The following MAP3K9 variants were observed in gnomAD, a reference collection of about 807,000 sequenced individuals.
MAP3K9 encodes mixed lineage kinase 1 (tyr and ser/thr specificity).
Under a neutral mutation model 95.8 loss-of-function variants are expected in MAP3K9, and 46 were observed. The ratio of observed to expected loss-of-function variants is 0.48; its 90% CI spans 0.38 to 0.61. The LOEUF (loss-of-function observed/expected upper bound fraction) is 0.61. Ranked by LOEUF, MAP3K9 falls within the 20% of genes least tolerant of loss-of-function variation. The probability of loss-of-function intolerance (pLI) is 0.00; values close to 1 mark genes in which losing one functional copy is unlikely to be tolerated. For missense variants in MAP3K9, 1,296 were observed against 1,474.3 expected (o/e 0.88, Z 1.98); for synonymous variants, 533 against 593.8 (o/e 0.90, Z 1.49).
chr14:70,809,353 A>G lies in MAP3K9; in HGVS notation c.-182T>C, dbSNP rs1344741362. 1.4e-6 allele frequency: 1 copy of G among 727,830 alleles called. No homozygotes were observed. The highest frequency in any genetic ancestry group is 1.9e-6 in the Non-Finnish European group (1 of 529,574). The allele number at this position is 727,830 out of a possible 1,614,324, so 45.1% of individuals were successfully genotyped here. On this transcript the variant is annotated 5_prime_UTR_variant, in exon 1 of 12. Transcript: ENST00000554752. Reference sequence around the variant, plus strand: ...GGCGCTGTTACCGCGGTACGAGAAGAGCGCCGAGCGCGAGCTCTTCGCGCA... The same window carrying G: ...GGCGCTGTTACCGCGGTACGAGAAGGGCGCCGAGCGCGAGCTCTTCGCGCA...
chr14:70,791,658 C>T (rs2054808728), intron 2 of MAP3K9, among the ~76,000 whole-genome samples: 2 of 152,230 alleles, frequency 1.3e-5, no homozygotes, highest in South Asian at 4.1e-4. Flanking sequence ...ACTTTGTCTC[C>T]ACTCTTGCCT....
rs1468105779 is a variant in MAP3K9 at position 70,732,562 on chromosome 14, C to T, written c.2807G>A (p.Gly936Glu). ...ACCTGCTCCAGGACTGGGGCTCAACCCATTGCTGGAGGGGCTCCTGCTGGC... is the reference window on the plus strand; with the variant it reads ...ACCTGCTCCAGGACTGGGGCTCAACTCATTGCTGGAGGGGCTCCTGCTGGC... ...LLASRSPSSN[G>E]LSPSPGAGML... The change falls in exon 11 of 12, where the codon GGG (glycine) becomes GAG (glutamate). Residue 936 changes from glycine to glutamate, a missense_variant. Gly to Glu is a moderately conservative substitution (Grantham distance 98, BLOSUM62 -2). This residue lies in a region of MAP3K9 where 433 missense variants were observed against 441.4 expected (regional missense o/e 0.98). Coordinates refer to ENST00000554752, the MANE Select transcript of MAP3K9 (RefSeq NM_001284230.2). The T allele has an allele frequency of 8.2e-6, 13 of 1,593,726 alleles. No individual in the cohort carries two copies. The highest frequency in any genetic ancestry group is 1.3e-5 in the African/African-American group (1 of 74,154).
intron 2 of MAP3K9, among the ~76,000 whole-genome samples, chr14:70,798,725 G>A (rs1055226956): frequency 1.1e-4 from 17 of 151,732 alleles, no homozygotes; most frequent in East Asian, 5.8e-4. Context: ...TGATCCGCCC[G>A]CCTCGGCCTC....
intron 2 of MAP3K9, among the ~76,000 whole-genome samples, chr14:70,773,510 T>C (rs769663123): frequency 6.6e-6 from 1 of 152,206 alleles, no homozygotes; most frequent in South Asian, 2.1e-4. Flanking sequence ...GAACCCACAA[T>C]TGCAAGATGG....
chr14:70,768,187 AG>A (rs1330257954), intron 2 of MAP3K9, among the ~76,000 whole-genome samples: 3 of 152,202 alleles, frequency 2.0e-5, no homozygotes, highest in African/African-American at 4.8e-5. Context: ...TAAACGCTTG[AG>A]GGGATGGATA....
At chr14:70,800,038 A>T (rs533104854) in intron 2 of MAP3K9, among the ~76,000 whole-genome samples, 1 of 152,298 alleles carries the variant, frequency 6.6e-6, no homozygotes, top group East Asian at 1.9e-4. Flanking sequence ...CAGTTTATGG[A>T]TTCTGGATAT....
At chr14:70,776,870 C>T (rs1045966876) in intron 2 of MAP3K9, among the ~76,000 whole-genome samples, 1 of 151,290 alleles carries the variant, frequency 6.6e-6, no homozygotes, top group Non-Finnish European at 1.5e-5. Flanking sequence ...TCGCTCTTGT[C>T]CCCCAGGTTT....
In MAP3K9 at chr14:70,725,178, C is replaced by G. The variant is rs184479811; in HGVS notation, c.*5202G>C. On this transcript the variant is annotated 3_prime_UTR_variant, in exon 12 of 12. Transcript: ENST00000554752. ...CAGGCTCCCCGTAGGGGATGGGGAA[C>G]CACAGACAGTAAGAATCAGGAAGGA... 9.2e-5 allele frequency: 14 copies of G among 152,472 alleles called. No individual in the cohort carries two copies. The East Asian group carries it at 2.7e-3, about 29-fold the overall frequency. 9.4% of individuals were successfully genotyped at this position (152,472 alleles called of 1,614,324 possible).
In MAP3K9 at chr14:70,798,603, C is replaced by T. The variant is rs868708321; in HGVS notation, c.820+2064G>A. On this transcript the variant is annotated intron_variant, in intron 2 of 11. Transcript: ENST00000554752. ...ACGCCATTCTCCTGCCTCAGCCTCC[C>T]AAGTAGCTGGGACTACAGGCACCCG... Among the ~76,000 whole-genome samples the T allele has an allele frequency of 6.2e-3, 917 of 147,456 alleles. 10 individuals are homozygous for T. The highest frequency in any genetic ancestry group is 0.021 in the African/African-American group (830 of 40,286).
At chr14:70,749,523 A>C (rs1419079486) in intron 4 of MAP3K9, 2 of 169,628 alleles carry the variant, frequency 1.2e-5, no homozygotes, top group Admixed American at 1.2e-4. Context: ...TATCCACTCA[A>C]CTTCGCTTAG....
chr14:70,728,859 C>G lies in MAP3K9; in HGVS notation c.*1521G>C, dbSNP rs1333969408. ...AGACAAAAGACAGTGGAGCAGCATT[C>G]AGAGAGTCTTGAGGGAAGAGGGGAA... On this transcript the variant is annotated 3_prime_UTR_variant, in exon 12 of 12. Coordinates refer to ENST00000554752, the MANE Select transcript of MAP3K9 (RefSeq NM_001284230.2). 2.6e-5 allele frequency: 4 copies of G among 152,204 alleles called. No individual in the cohort carries two copies. Among genetic ancestry groups the G allele is most frequent in the African/African-American group, 9.7e-5 (4 of 41,442 alleles). The allele number at this position is 152,204 out of a possible 1,614,324, so 9.4% of individuals were successfully genotyped here. A position where few individuals can be genotyped will look rare whatever the true frequency, so the allele number is the denominator to read the frequency against.
chr14:70,770,393 AG>A (rs1372089563), intron 2 of MAP3K9, among the ~76,000 whole-genome samples: 6 of 151,980 alleles, frequency 3.9e-5, no homozygotes, highest in African/African-American at 7.2e-5. Flanking sequence ...CATGTTGGCC[AG>A]GCTGGTCTCG....
rs2053825369 is a variant in MAP3K9, at chr14:70,726,746, A to G, written c.*3634T>C. 6.6e-6 allele frequency: 1 copy of G among 152,316 alleles called. No homozygotes were observed. Among genetic ancestry groups the G allele is most frequent in the South Asian group, 2.1e-4 (1 of 4,834 alleles). The allele number at this position is 152,316 out of a possible 1,614,324, so 9.4% of individuals were successfully genotyped here. A position where few individuals can be genotyped will look rare whatever the true frequency, so the allele number is the denominator to read the frequency against. On this transcript the variant is annotated 3_prime_UTR_variant, in exon 12 of 12. Transcript: ENST00000554752. The stretch of plus-strand genomic sequence containing the variant: ...ACGAAAGAAAAGGCAAGTTCCCTCA[A>G]GGCAAAGGTGATGAGAGCCACACTC...
rs1828457542 is a variant in MAP3K9, at chr14:70,730,270, CAAG to C, written c.*107_*109del. The stretch of plus-strand genomic sequence containing the variant: ...CCATCTTCAAAGTGCATTATCAGTG[CAAG>C]AAGTAGGGCTGGATCTCAGGGGGTC... On this transcript the variant is annotated 3_prime_UTR_variant, in exon 12 of 12. Coordinates refer to ENST00000554752, the MANE Select transcript of MAP3K9 (RefSeq NM_001284230.2). 4 of 1,461,616 alleles carry C rather than the reference CAAG, an allele frequency of 2.7e-6. No individual in the cohort carries two copies. The highest frequency in any genetic ancestry group is 2.8e-5 in the African/African-American group (2 of 70,972). 90.5% of individuals were successfully genotyped at this position (1,461,616 alleles called of 1,614,324 possible).
At chr14:70,737,014 AG>A (rs1425577523) in intron 8 of MAP3K9, among the ~76,000 whole-genome samples, 2 of 152,232 alleles carry the variant, frequency 1.3e-5, no homozygotes, top group Admixed American at 6.5e-5. Context: ...TTGCAGGTTC[AG>A]GGCACTTGTA....
At chr14:70,731,877 A>G (rs2053908545) in intron 11 of MAP3K9, among the ~76,000 whole-genome samples, 1 of 152,248 alleles carries the variant, frequency 6.6e-6, no homozygotes, top group Non-Finnish European at 1.5e-5. Context: ...AGTCAGACTT[A>G]GGTCTTCCAG....
chr14:70,754,780 AT>A (rs1248423136), intron 3 of MAP3K9, among the ~76,000 whole-genome samples: 9 of 152,100 alleles, frequency 5.9e-5, no homozygotes, highest in African/African-American at 2.2e-4. Flanking sequence ...CACTATTGTA[AT>A]TTTTTAAACT....
intron 2 of MAP3K9, among the ~76,000 whole-genome samples, chr14:70,781,526 T>G (rs1475853361): frequency 6.6e-6 from 1 of 152,216 alleles, no homozygotes; most frequent in Non-Finnish European, 1.5e-5. Context: ...GGTCGTTTGT[T>G]CTGAAGAAAT....
chr14:70,784,675 G>C (rs1480661870), intron 2 of MAP3K9, among the ~76,000 whole-genome samples: 1 of 152,144 alleles, frequency 6.6e-6, no homozygotes, highest in Non-Finnish European at 1.5e-5. Context: ...CCCGGGAAGT[G>C]GAGGCCACTG....
Sources: gnomAD v4.1 joint callset for allele counts (sites outside exome capture counted in the v4.1 genomes callset) on GRCh38, gnomAD v4.1.1 for gene constraint, gnomAD v4.1.1 regional missense constraint, MANE v1.5 for transcripts, NCBI Gene and HGNC (gene_info 2026-07-23, HGNC 2026-07-21) for gene names.